The following BRD1 variants were observed in gnomAD, a reference collection of about 807,000 sequenced individuals.
The protein encoded by BRD1 is bromodomain-containing protein 1.
Under a neutral mutation model 107.7 loss-of-function variants are expected in BRD1, and 24 were observed. That is an observed-to-expected ratio of 0.22 (90% CI 0.16 to 0.31). The LOEUF is 0.31. BRD1 is among the 10% of genes least tolerant of loss of function. The pLI is 1.00. For synonymous variants in BRD1, 744 were observed against 686.1 expected (o/e 1.08, Z -1.32); for missense variants, 1,279 against 1,638.6 (o/e 0.78, Z 3.79).
intron 7 of BRD1, among the ~76,000 whole-genome samples, chr22:49,791,107 G>C (rs773579647): frequency 6.6e-6 from 1 of 152,350 alleles, no homozygotes; most frequent in Non-Finnish European, 1.5e-5. Context: ...CTGCAGATCC[G>C]TCCCACAGGC....
intron 1 of BRD1, chr22:49,826,343 G>T: frequency 1.2e-6 from 1 of 849,434 alleles, no homozygotes; most frequent in Non-Finnish European, 1.4e-6. Flanking sequence ...ATGCAACTGG[G>T]ACCCGGGGAA....
In BRD1 at chr22:49,803,753, C is replaced by T. The variant is rs899319827; in HGVS notation, c.1524+451G>A. ...AGAGCAAGGCCCTCGAAATAAACCA[C>T]TCCTCACATATTTCCAAAACCCACC... is the stretch of plus-strand genomic sequence containing the variant. On this transcript the variant is annotated intron_variant, in intron 3 of 12. Transcript: ENST00000404760. This position sits in a 1 kb window ranked among gnomAD's most constrained non-coding sequence, Gnocchi z 4.4. Among the ~76,000 whole-genome samples the T allele has an allele frequency of 6.6e-6, 1 of 152,158 alleles. No homozygotes were observed. The highest frequency in any genetic ancestry group is 1.5e-5 in the Non-Finnish European group (1 of 68,024).
chr22:49,778,030 C>T (rs941859405), intron 8 of BRD1, among the ~76,000 whole-genome samples: 4 of 152,222 alleles, frequency 2.6e-5, no homozygotes, highest in Non-Finnish European at 4.4e-5. Flanking sequence ...AAACTGCAGT[C>T]GGCTCCGATC....
chr22:49,810,889 C>T (rs2059837139), intron 2 of BRD1, among the ~76,000 whole-genome samples: 1 of 152,216 alleles, frequency 6.6e-6, no homozygotes, highest in Non-Finnish European at 1.5e-5. Flanking sequence ...CCAGCAACTC[C>T]ACTCCTAGAA....
At chr22:49,801,483 A>G (rs1205008949) in intron 3 of BRD1, among the ~76,000 whole-genome samples, 1 of 152,248 alleles carries the variant, frequency 6.6e-6, no homozygotes, top group Non-Finnish European at 1.5e-5. Context: ...CAAAACCATG[A>G]AACCACACCA....
At chr22:49,817,213 G>T in intron 2 of BRD1, 1 of 154,168 alleles carries the variant, frequency 6.5e-6, no homozygotes. Flanking sequence ...GTGATGGCAC[G>T]GTGGGTCAAG....
intron 6 of BRD1, among the ~76,000 whole-genome samples, chr22:49,797,159 T>C (rs1409945516): frequency 6.6e-6 from 1 of 152,124 alleles, no homozygotes; most frequent in Non-Finnish European, 1.5e-5. Context: ...CGAGGACCAG[T>C]CTAGAGAAGG....
At position 49,787,860 on chromosome 22, in the gene BRD1, G is replaced by A; in HGVS notation, c.2387C>T (p.Pro796Leu). ...EGDKSPPKLE[P>L]SDALPLPSNS... ...TGAAGGAAGAGGTAATGCATCTGAT[G>A]GTTCAAGTTTAGGGGGAGATTTATC... The change falls in exon 8 of 13, where the codon CCA becomes CTA. Residue 796 changes from proline (P) to leucine (L), a missense_variant. Pro to Leu is a moderately conservative substitution (Grantham distance 98, BLOSUM62 -3). Around this residue, in one of 7 missense-constraint regions of BRD1, gnomAD observed 406 missense variants for 519.4 expected, o/e 0.78. Transcript: ENST00000404760. The A allele has an allele frequency of 6.5e-7, 1 of 1,542,956 alleles. No individual in the cohort carries two copies. The highest frequency in any genetic ancestry group is 8.8e-7 in the Non-Finnish European group (1 of 1,141,576).
chr22:49,774,103 T>C lies in BRD1; in HGVS notation c.*130A>G. ...TCCTAGAAAACTTGGAAATAAAACC[T>C]CCCCCCTCCCCGGGGAAAAAGAATT... On this transcript the variant is annotated 3_prime_UTR_variant, in exon 13 of 13. Transcript: ENST00000404760. 1 of 1,295,428 alleles carries C rather than the reference T, an allele frequency of 7.7e-7. No individual in the cohort carries two copies. 80.2% of individuals were successfully genotyped at this position (1,295,428 alleles called of 1,614,324 possible).
In BRD1 at chr22:49,783,154, C is replaced by A. The variant is rs1022966778; in HGVS notation, c.2857+4236G>T. Among the ~76,000 whole-genome samples the A allele has an allele frequency of 6.6e-6, 1 of 152,258 alleles. No homozygotes were observed. The highest frequency in any genetic ancestry group is 2.4e-5 in the African/African-American group (1 of 41,466). On this transcript the variant is annotated intron_variant, in intron 8 of 12. Coordinates refer to ENST00000404760, the MANE Select transcript of BRD1 (RefSeq NM_001304808.3). This position sits in a 1 kb window ranked among gnomAD's most constrained non-coding sequence, Gnocchi z 4.2. ...GCTGGGACCCAGCTCCATGACAATG[C>A]AGCTGGGATGGTCAGAGACAGACCC...
chr22:49,826,885 T>G (rs1490005088), intron 1 of BRD1, among the ~76,000 whole-genome samples: 2 of 152,180 alleles, frequency 1.3e-5, no homozygotes, highest in African/African-American at 4.8e-5. Context: ...GCGTTTCCCG[T>G]GAACTGCGCC....
At chr22:49,812,859 C>T (rs187544707) in intron 2 of BRD1, among the ~76,000 whole-genome samples, 1 of 151,764 alleles carries the variant, frequency 6.6e-6, no homozygotes, top group East Asian at 1.9e-4. Context: ...GTTCTGGAGA[C>T]AAGGTGCCGC....
intron 8 of BRD1, among the ~76,000 whole-genome samples, chr22:49,784,890 G>A (rs1356579912): frequency 6.6e-6 from 1 of 152,196 alleles, no homozygotes; most frequent in Non-Finnish European, 1.5e-5. Context: ...TGCTGCTGAG[G>A]CTCCCGGCTG....
At position 49,774,332 on chromosome 22, in the gene BRD1, G is replaced by T. The variant is rs2059039090; in HGVS notation, c.3471C>A (p.Ser1157=). Residue 1157 remains serine, a synonymous_variant, in exon 13 of 13, where the codon TCC becomes TCA. Transcript: ENST00000404760. ...CGATCCGCACGGCCTTCCGGATGCTGGAATTCCTCCCTTCCATCATCTTTA... is the reference window on the plus strand; with the variant it reads ...CGATCCGCACGGCCTTCCGGATGCTTGAATTCCTCCCTTCCATCATCTTTA... ...DKLKMMEGRN[S]SIRKAVRIAF... 1.2e-6 allele frequency: 2 copies of T among 1,614,190 alleles called. No individual in the cohort carries two copies. The highest frequency in any genetic ancestry group is 1.7e-5 in the Admixed American group (1 of 60,030).
At chr22:49,814,685 C>T (rs934391970) in intron 2 of BRD1, among the ~76,000 whole-genome samples, 3 of 152,288 alleles carry the variant, frequency 2.0e-5, no homozygotes, top group African/African-American at 7.2e-5. Context: ...ATCAAGCTCC[C>T]CACCAGCCCG....
intron 2 of BRD1, among the ~76,000 whole-genome samples, chr22:49,818,013 TGAG>T (rs1420923061): frequency 2.6e-5 from 4 of 152,204 alleles, no homozygotes; most frequent in Admixed American, 2.0e-4. Flanking sequence ...TTTAAATGCA[TGAG>T]GAGAATATCT....
chr22:49,824,329 T>C lies in BRD1; in HGVS notation c.-12A>G. ...CCTTTCCTCCTCATTTGGTAATGATTACCTAAAATGAAGGCAAAAGTAAAG... is the reference window on the plus strand; with the variant it reads ...CCTTTCCTCCTCATTTGGTAATGATCACCTAAAATGAAGGCAAAAGTAAAG... On this transcript the variant is annotated splice_region_variant and 5_prime_UTR_variant, in exon 2 of 13. Transcript: ENST00000404760. The surrounding 1 kb of genome is among the most constrained non-coding windows in gnomAD (Gnocchi z 5.9). The C allele has an allele frequency of 6.2e-7, 1 of 1,610,180 alleles. No homozygotes were observed. Among genetic ancestry groups the C allele is most frequent in the Middle Eastern group, 1.7e-4 (1 of 6,044 alleles).
chr22:49,807,278 C>A (rs2059764441), intron 2 of BRD1: 1 of 152,096 alleles, frequency 6.6e-6, no homozygotes, highest in African/African-American at 2.4e-5. Flanking sequence ...GGAAAATCCA[C>A]CCTAAAATTC....
At chr22:49,809,111 T>G (rs1463145926) in intron 2 of BRD1, among the ~76,000 whole-genome samples, 1 of 151,204 alleles carries the variant, frequency 6.6e-6, no homozygotes, top group African/African-American at 2.4e-5. Flanking sequence ...ATAGCAAGAC[T>G]CAGTCTCAGA....
Sources: allele counts gnomAD v4.1 joint callset (sites outside exome capture counted in the v4.1 genomes callset), GRCh38; gene constraint gnomAD v4.1.1; regional missense constraint gnomAD v4.1.1; non-coding constraint Gnocchi (gnomAD v3.1); transcripts MANE v1.5; gene names NCBI Gene and HGNC (gene_info 2026-07-23, HGNC 2026-07-21).